Variants in VPS53 observed in about 807,000 individuals in gnomAD.
VPS53 encodes the protein vacuolar protein sorting-associated protein 53 homolog.
VPS53 carries 70 observed loss-of-function variants against 107.0 expected under a neutral mutation model. The ratio of observed to expected loss-of-function variants is 0.65; its 90% CI spans 0.54 to 0.80. VPS53 has a LOEUF of 0.80. Among genes scored for constraint, VPS53 ranks in the 30% least tolerant of loss-of-function variants. The pLI, the probability that VPS53 is intolerant of heterozygous loss-of-function variation, is 0.00. For synonymous variants in VPS53, 409 were observed against 393.3 expected (o/e 1.04, Z -0.47); for missense variants, 917 against 1,049.4 (o/e 0.87, Z 1.74).
intron 7 of VPS53, among the ~76,000 whole-genome samples, chr17:643,444 G>A (rs570570162): frequency 6.7e-5 from 10 of 148,934 alleles, no homozygotes; most frequent in Admixed American, 2.7e-4. Flanking sequence ...CTTGGAAAGC[G>A]AGGACAACAC....
At chr17:712,223 C>G (rs139067406) in intron 1 of VPS53, among the ~76,000 whole-genome samples, 1 of 140,364 alleles carries the variant, frequency 7.1e-6, no homozygotes, top group African/African-American at 2.7e-5. Flanking sequence ...CTCTGTCGCT[C>G]AGGCTGGAAG....
At chr17:587,163 A>G (rs1207808550) in intron 12 of VPS53, among the ~76,000 whole-genome samples, 3 of 152,132 alleles carry the variant, frequency 2.0e-5, no homozygotes, top group Non-Finnish European at 4.4e-5. Flanking sequence ...TCTGGACTCA[A>G]GTGATTCTTG....
At chr17:665,459 T>C (rs1971641880) in intron 4 of VPS53, among the ~76,000 whole-genome samples, 1 of 152,138 alleles carries the variant, frequency 6.6e-6, no homozygotes, top group South Asian at 2.1e-4. Context: ...TACAGTAACA[T>C]AAAACAGACT....
At chr17:614,943 AAAAAAAC>A (rs1418822646) in intron 11 of VPS53, among the ~76,000 whole-genome samples, 1 of 152,214 alleles carries the variant, frequency 6.6e-6, no homozygotes, top group Non-Finnish European at 1.5e-5. Context: ...TATTACTACA[AAAAAAAC>A]AAAAAACAAA....
At chr17:548,968 G>GGT (rs2151833884) in intron 17 of VPS53, among the ~76,000 whole-genome samples, 1 of 152,206 alleles carries the variant, frequency 6.6e-6, no homozygotes, top group Non-Finnish European at 1.5e-5. Flanking sequence ...CTTTAAAAAG[G>GGT]GTGTATTTTG....
At chr17:657,568 A>G (rs1305564280) in intron 5 of VPS53, 5 of 974,054 alleles carry the variant, frequency 5.1e-6, no homozygotes, top group South Asian at 4.0e-5. Flanking sequence ...GGCAAGGAAA[A>G]GAGGACCTTT....
At chr17:604,360 C>T (rs764002132) in intron 11 of VPS53, among the ~76,000 whole-genome samples, 3 of 151,976 alleles carry the variant, frequency 2.0e-5, no homozygotes, top group Non-Finnish European at 4.4e-5. Flanking sequence ...CTCTCGCTGG[C>T]GTAAAGCATC....
At chr17:566,461 C>T (rs1055014910) in intron 13 of VPS53, among the ~76,000 whole-genome samples, 1 of 152,110 alleles carries the variant, frequency 6.6e-6, no homozygotes, top group African/African-American at 2.4e-5. Flanking sequence ...GGTTCTGCTG[C>T]CCCCGGCCCG....
intron 17 of VPS53, among the ~76,000 whole-genome samples, chr17:540,174 A>T (rs61212920): frequency 6.6e-6 from 1 of 151,322 alleles, no homozygotes; most frequent in African/African-American, 2.4e-5. Context: ...ATAGTGATCA[A>T]GCAAAGGACT....
At chr17:612,381 T>C (rs970497566) in intron 11 of VPS53, among the ~76,000 whole-genome samples, 15 of 103,742 alleles carry the variant, frequency 1.4e-4, no homozygotes, top group Non-Finnish European at 1.4e-4. Flanking sequence ...TGAAAACCTG[T>C]ACAGATATTC....
chr17:713,185 G>A (rs373062976), intron 1 of VPS53, among the ~76,000 whole-genome samples: 2 of 151,722 alleles, frequency 1.3e-5, no homozygotes, highest in African/African-American at 4.8e-5. Context: ...CTGGACAACA[G>A]AGCAAGACCC....
intron 11 of VPS53, among the ~76,000 whole-genome samples, chr17:616,859 G>T (rs940977843): frequency 6.6e-6 from 1 of 152,204 alleles, no homozygotes; most frequent in Non-Finnish European, 1.5e-5. Flanking sequence ...GGCCTTTGGG[G>T]GATTTTTCCT....
intron 11 of VPS53, among the ~76,000 whole-genome samples, chr17:606,138 C>A (rs984619372): frequency 6.6e-6 from 1 of 151,972 alleles, no homozygotes; most frequent in Admixed American, 6.5e-5. Context: ...GGATTTGGGG[C>A]ACAGTTAGGA....
intron 11 of VPS53, among the ~76,000 whole-genome samples, chr17:604,178 T>C (rs1466803503): frequency 6.6e-6 from 1 of 152,210 alleles, no homozygotes; most frequent in African/African-American, 2.4e-5. Context: ...AATGTGTTAT[T>C]GGAAATCATG....
At chr17:649,696 GAATGGAACACGC>G (rs1413166868) in intron 7 of VPS53, among the ~76,000 whole-genome samples, 4 of 151,574 alleles carry the variant, frequency 2.6e-5, no homozygotes, top group African/African-American at 9.7e-5. Flanking sequence ...GAGGACAGAG[GAATGGAACACGC>G]ACTGAAGATC....
At chr17:711,360 TC>T (rs1973636766) in intron 1 of VPS53, among the ~76,000 whole-genome samples, 1 of 152,222 alleles carries the variant, frequency 6.6e-6, no homozygotes, top group Non-Finnish European at 1.5e-5. Context: ...CAACTTCATC[TC>T]TGAAGAAGCC....
At chr17:546,482 C>G (rs776449317) in intron 17 of VPS53, among the ~76,000 whole-genome samples, 2 of 151,948 alleles carry the variant, frequency 1.3e-5, no homozygotes, top group Non-Finnish European at 2.9e-5. Flanking sequence ...GATAAGGGGT[C>G]TAGTATCCAG....
chr17:658,514 A>C (rs1597449854), intron 5 of VPS53, among the ~76,000 whole-genome samples: 5 of 142,806 alleles, frequency 3.5e-5, no homozygotes, highest in East Asian at 2.1e-4. Flanking sequence ...GAAACTCGGC[A>C]GGGAGTTCGT....
At chr17:679,383 G>A (rs1162108313) in intron 4 of VPS53, among the ~76,000 whole-genome samples, 4 of 151,840 alleles carry the variant, frequency 2.6e-5, no homozygotes, top group South Asian at 2.1e-4. Context: ...GCGTGGTGGC[G>A]GCCACCTGTA....
Sources: gnomAD v4.1 joint callset for allele counts (sites outside exome capture counted in the v4.1 genomes callset) on GRCh38, gnomAD v4.1.1 for gene constraint, MANE v1.5 for transcripts, NCBI Gene and HGNC (gene_info 2026-07-23, HGNC 2026-07-21) for gene names.